The following COL24A1 variants were observed in gnomAD, a reference collection of about 807,000 sequenced individuals.
COL24A1 encodes collagen alpha-1(XXIV) chain.
In COL24A1, 224 loss-of-function variants were observed where a neutral mutation model predicts 253.9. The observed-to-expected ratio is 0.88, with a 90% CI of 0.79 to 0.99. The LOEUF (loss-of-function observed/expected upper bound fraction) is 0.99, where lower values mean the gene tolerates loss of function less well. Ranked by LOEUF, COL24A1 falls within the 50% of genes least tolerant of loss-of-function variation. The pLI is 0.00. For synonymous variants in COL24A1, 685 were observed against 673.7 expected (o/e 1.02, Z -0.26); for missense variants, 2,131 against 2,068.5 (o/e 1.03, Z -0.59).
chr1:85,998,942 T>C (rs1695135697), intron 19 of COL24A1, among the ~76,000 whole-genome samples: 1 of 152,210 alleles, frequency 6.6e-6, no homozygotes, highest in Admixed American at 6.5e-5. Flanking sequence ...TCTTTTGTCA[T>C]TGTTCTAGGA....
At chr1:85,813,422 AG>A (rs1328774048) in intron 47 of COL24A1, among the ~76,000 whole-genome samples, 1 of 123,956 alleles carries the variant, frequency 8.1e-6, no homozygotes, top group Admixed American at 7.9e-5. Context: ...AAAACCTTAA[AG>A]AAAAAAAAAA....
chr1:85,880,201 G>A (rs1217483838), intron 32 of COL24A1, among the ~76,000 whole-genome samples: 2 of 151,846 alleles, frequency 1.3e-5, no homozygotes, highest in Non-Finnish European at 2.9e-5. Context: ...TTTGATAAAA[G>A]TTTACCTCAT....
intron 1 of COL24A1, chr1:86,155,935 A>G (rs969487487): frequency 1.2e-5 from 2 of 170,738 alleles, no homozygotes; most frequent in Non-Finnish European, 2.5e-5. Flanking sequence ...CGCCCTGAGA[A>G]GCACCTCGGG....
At chr1:86,130,381 T>A (rs889468116) in intron 2 of COL24A1, among the ~76,000 whole-genome samples, 4 of 152,006 alleles carry the variant, frequency 2.6e-5, no homozygotes, top group Admixed American at 6.6e-5. Context: ...ATCTGTTGTA[T>A]TATTTTATGT....
At chr1:86,068,508 T>C (rs1215867282) in intron 7 of COL24A1, among the ~76,000 whole-genome samples, 1 of 152,144 alleles carries the variant, frequency 6.6e-6, no homozygotes, top group Non-Finnish European at 1.5e-5. Context: ...GCTGAAGTAC[T>C]CTGGGGTCCT....
chr1:85,964,995 G>A lies in COL24A1; in HGVS notation c.2517+14C>T, dbSNP rs755817101. 15 of 1,600,110 alleles carry A rather than the reference G, an allele frequency of 9.4e-6. No individual in the cohort carries two copies. The South Asian group carries it at 1.7e-4, about 18-fold the overall frequency. On this transcript the variant is annotated intron_variant, in intron 23 of 59. Coordinates refer to ENST00000370571, the MANE Select transcript of COL24A1 (RefSeq NM_152890.7). ...ATTATATTTTAAAACTGATAATAAA[G>A]TCAGTTGCTTTACCTTTAAGCCTTC...
chr1:85,886,637 C>A (rs905748850), intron 32 of COL24A1, among the ~76,000 whole-genome samples: 1 of 151,740 alleles, frequency 6.6e-6, no homozygotes, highest in Non-Finnish European at 1.5e-5. Context: ...TGTACTCTAG[C>A]CTGGGCGACA....
At chr1:85,926,855 A>T (rs1471743673) in intron 24 of COL24A1, among the ~76,000 whole-genome samples, 1 of 152,036 alleles carries the variant, frequency 6.6e-6, no homozygotes, top group Non-Finnish European at 1.5e-5. Context: ...GTCAAAAAGG[A>T]GGAGAACCAG....
At chr1:85,956,377 A>G (rs1369381233) in intron 24 of COL24A1, among the ~76,000 whole-genome samples, 2 of 152,160 alleles carry the variant, frequency 1.3e-5, no homozygotes, top group Non-Finnish European at 2.9e-5. Context: ...GTAATGAGAA[A>G]CAGAGTATCT....
intron 43 of COL24A1, among the ~76,000 whole-genome samples, chr1:85,830,412 G>T (rs1675062337): frequency 6.6e-6 from 1 of 152,146 alleles, no homozygotes; most frequent in Admixed American, 6.6e-5. Context: ...GGAGCCTACA[G>T]AGGCAGGCAG....
intron 24 of COL24A1, among the ~76,000 whole-genome samples, chr1:85,933,483 C>T (rs1401829098): frequency 6.6e-6 from 1 of 152,116 alleles, no homozygotes; most frequent in African/African-American, 2.4e-5. Flanking sequence ...TATTTCCTAG[C>T]CAGCTCCCTA....
At chr1:86,061,531 A>G (rs1347766478) in intron 8 of COL24A1, among the ~76,000 whole-genome samples, 1 of 152,124 alleles carries the variant, frequency 6.6e-6, no homozygotes, top group Non-Finnish European at 1.5e-5. Flanking sequence ...GTGTTAAAGC[A>G]ACATGTAGAG....
chr1:86,136,148 C>T (rs1650218890), intron 2 of COL24A1, among the ~76,000 whole-genome samples: 1 of 152,086 alleles, frequency 6.6e-6, no homozygotes, highest in Non-Finnish European at 1.5e-5. Context: ...AGAATGAATC[C>T]TTCATCTCAG....
intron 5 of COL24A1, among the ~76,000 whole-genome samples, chr1:86,111,414 G>T (rs1336532840): frequency 6.6e-6 from 1 of 151,690 alleles, no homozygotes; most frequent in African/African-American, 2.4e-5. Context: ...CTAGAGGATT[G>T]TAAATGGACC....
intron 14 of COL24A1, among the ~76,000 whole-genome samples, chr1:86,024,538 G>A (rs114514875): frequency 0.012 from 1,797 of 152,242 alleles, 22 homozygotes; most frequent in Middle Eastern, 0.041. Flanking sequence ...CTTAAAGTCT[G>A]TGAAATACAG....
At chr1:86,115,163 C>T (rs926180225) in intron 4 of COL24A1, among the ~76,000 whole-genome samples, 162 bp downstream of exon 4, 2 of 152,198 alleles carry the variant, frequency 1.3e-5, no homozygotes, top group East Asian at 3.9e-4. Context: ...ATAAACTAGG[C>T]TGCATGTGTT....
chr1:86,017,138 A>G lies in COL24A1; in HGVS notation c.2310+13T>C, dbSNP rs1697065979. 1 of 1,593,766 alleles carries G rather than the reference A, an allele frequency of 6.3e-7. No individual in the cohort carries two copies. Among genetic ancestry groups the G allele is most frequent in the Non-Finnish European group, 8.5e-7 (1 of 1,171,440 alleles). On this transcript the variant is annotated intron_variant, in intron 19 of 59. Coordinates refer to ENST00000370571, the MANE Select transcript of COL24A1 (RefSeq NM_152890.7). ...TTTGTTTCAAATTTATTAACTTTCC[A>G]CCAATATTTTACCTCTGGTCCTGGA...
At chr1:86,054,479 GA>G (rs775387322) in intron 10 of COL24A1, among the ~76,000 whole-genome samples, 1 of 151,920 alleles carries the variant, frequency 6.6e-6, no homozygotes, top group East Asian at 1.9e-4. Flanking sequence ...TTAAAAAGTG[GA>G]CAAAGGACAT....
chr1:86,018,347 AT>A (rs1697185732), intron 18 of COL24A1, among the ~76,000 whole-genome samples: 1 of 152,254 alleles, frequency 6.6e-6, no homozygotes, highest in East Asian at 1.9e-4. Context: ...GTGAAATATT[AT>A]GGAAAGGCTC....
Sources: allele counts gnomAD v4.1 joint callset (sites outside exome capture counted in the v4.1 genomes callset), GRCh38; gene constraint gnomAD v4.1.1; transcripts MANE v1.5; gene names NCBI Gene and HGNC (gene_info 2026-07-23, HGNC 2026-07-21).